The following NALF1 variants were observed in gnomAD, a reference collection of about 807,000 sequenced individuals.
NALF1 encodes NALCN channel auxiliary factor 1.
NALF1 carries 3 observed loss-of-function variants against 48.4 expected under a neutral mutation model. The observed-to-expected ratio is 0.06, with a 90% CI of 0.03 to 0.16. The LOEUF (loss-of-function observed/expected upper bound fraction) is 0.16, where lower values mean the gene tolerates loss of function less well. NALF1 is among the 10% of genes least tolerant of loss of function. The pLI, the probability that NALF1 is intolerant of heterozygous loss-of-function variation, is 1.00. For synonymous variants in NALF1, 262 were observed against 245.7 expected (o/e 1.07, Z -0.62); for missense variants, 526 against 571.5 (o/e 0.92, Z 0.81).
chr13:107,609,245 T>C lies in NALF1; in HGVS notation c.915+256437A>G, dbSNP rs1243617003. 1.9e-4 allele frequency among the ~76,000 whole-genome samples: 29 copies of C among 152,174 alleles called. 1 individual carries two copies. Among genetic ancestry groups the C allele is most frequent in the Non-Finnish European group, 1.2e-4 (8 of 68,034 alleles). On this transcript the variant is annotated intron_variant, in intron 1 of 2. Coordinates refer to ENST00000375915, the MANE Select transcript of NALF1 (RefSeq NM_001080396.3). ...ATTCTTCCTCCCCTCTCCCACACCA[T>C]TCATTCAGTTCATGAAACAAATCTT...
Position 107,500,014 on chromosome 13 carries a change from T to G in NALF1, c.916-289259A>C, listed in dbSNP as rs144968078. 2.2e-3 allele frequency among the ~76,000 whole-genome samples: 338 copies of G among 152,244 alleles called. 2 individuals are homozygous for G. Among genetic ancestry groups the G allele is most frequent in the Non-Finnish European group, 2.5e-3 (173 of 68,004 alleles). On this transcript the variant is annotated intron_variant, in intron 1 of 2. Transcript: ENST00000375915. ...AAAATTATCATCCCATCAAAACAGATCACACACAGTTTATAAGTCAACTGA... is the reference window on the plus strand; with the variant it reads ...AAAATTATCATCCCATCAAAACAGAGCACACACAGTTTATAAGTCAACTGA...
intron 1 of NALF1, among the ~76,000 whole-genome samples, chr13:107,812,479 T>A (rs1393896592): frequency 6.6e-6 from 1 of 152,116 alleles, no homozygotes; most frequent in African/African-American, 2.4e-5. Flanking sequence ...TACTTAGCAA[T>A]GTGATTTTTA....
At position 107,340,491 on chromosome 13, in the gene NALF1, GTCTT is replaced by G. The variant is rs1355424950; in HGVS notation, c.916-129740_916-129737del. Among the ~76,000 whole-genome samples the G allele has an allele frequency of 1.1e-3, 94 of 86,088 alleles. 2 individuals are homozygous for G. The highest frequency in any genetic ancestry group is 3.9e-3 in the African/African-American group (84 of 21,316). The allele number at this position is 86,088 out of a possible 152,430, so 56.5% of individuals were successfully genotyped here. ...CTTCTCTCTTTCTTTCTTTCTTTTT[GTCTT>G]TCTTTCTTTCTTTTCTTTCTTTCTC... is the stretch of plus-strand genomic sequence containing the variant. On this transcript the variant is annotated intron_variant, in intron 1 of 2. Coordinates refer to ENST00000375915, the MANE Select transcript of NALF1 (RefSeq NM_001080396.3).
chr13:107,771,616 T>C (rs1877579247), intron 1 of NALF1, among the ~76,000 whole-genome samples: 1 of 152,030 alleles, frequency 6.6e-6, no homozygotes, highest in Non-Finnish European at 1.5e-5. Context: ...GTTGCTGGGC[T>C]GCATTTCCAG....
chr13:107,773,740 G>A (rs1344625991), intron 1 of NALF1, among the ~76,000 whole-genome samples: 1 of 13,420 alleles, frequency 7.5e-5, no homozygotes, highest in South Asian at 7.6e-3. Flanking sequence ...GGGGTGGGGG[G>A]AGGGGGAGGG....
intron 1 of NALF1, among the ~76,000 whole-genome samples, chr13:107,547,380 T>C (rs536325389): frequency 6.6e-6 from 1 of 152,344 alleles, no homozygotes; most frequent in South Asian, 2.1e-4. Flanking sequence ...TAAATTTCAA[T>C]TACTTTGGAA....
intron 1 of NALF1, among the ~76,000 whole-genome samples, chr13:107,368,055 T>G (rs1883182681): frequency 6.6e-6 from 1 of 152,208 alleles, no homozygotes; most frequent in Admixed American, 6.5e-5. Flanking sequence ...TGTGGTTCTG[T>G]GTACTTATTT....
Position 107,814,329 on chromosome 13 carries a change from G to A in NALF1, c.915+51353C>T, listed in dbSNP as rs140343961. ...ACCACCAGCAAAACCAGTCGCACAC[G>A]GAGGCTGTAGACCCTTCCTTTTACT... is the stretch of plus-strand genomic sequence containing the variant. On this transcript the variant is annotated intron_variant, in intron 1 of 2. Coordinates refer to ENST00000375915, the MANE Select transcript of NALF1 (RefSeq NM_001080396.3). 4.5e-3 allele frequency among the ~76,000 whole-genome samples: 688 copies of A among 152,258 alleles called. 7 individuals are homozygous for A. The highest frequency in any genetic ancestry group is 0.016 in the African/African-American group (649 of 41,544).
chr13:107,845,027 C>G (rs796609669), intron 1 of NALF1, among the ~76,000 whole-genome samples: 3 of 152,242 alleles, frequency 2.0e-5, no homozygotes, highest in South Asian at 2.1e-4. Flanking sequence ...AAATTTACAA[C>G]AGCACATTAA....
chr13:107,750,064 C>T (rs1876891631), intron 1 of NALF1, among the ~76,000 whole-genome samples: 1 of 152,090 alleles, frequency 6.6e-6, no homozygotes, highest in South Asian at 2.1e-4. Context: ...ATGATCCACC[C>T]GCCTCAGCCT....
intron 1 of NALF1, among the ~76,000 whole-genome samples, chr13:107,429,253 T>C (rs1269138814): frequency 6.6e-6 from 1 of 150,436 alleles, no homozygotes; most frequent in Non-Finnish European, 1.5e-5. Context: ...ACCCGGGACA[T>C]GGAGGTTGCA....
At position 107,867,246 on chromosome 13, in the gene NALF1, G is replaced by A. The variant is rs555884616; in HGVS notation, c.-650C>T. Among the ~76,000 whole-genome samples, 358 of 150,410 alleles carry A rather than the reference G, an allele frequency of 2.4e-3. 1 individual carries two copies. Among genetic ancestry groups the A allele is most frequent in the African/African-American group, 7.3e-3 (301 of 41,062 alleles). ...CTGGCTCTCCCAGAGTCCGGAGCCT[G>A]GGCTGCCTCCGGCGGGGCGCTCCCT... is the stretch of plus-strand genomic sequence containing the variant. On this transcript the variant is annotated 5_prime_UTR_variant, in exon 1 of 3. Coordinates refer to ENST00000375915, the MANE Select transcript of NALF1 (RefSeq NM_001080396.3). This position sits in a 1 kb window ranked among gnomAD's most constrained non-coding sequence, Gnocchi z 4.4.
At chr13:107,173,574 G>A (rs1474776342) in intron 2 of NALF1, among the ~76,000 whole-genome samples, 2 of 152,118 alleles carry the variant, frequency 1.3e-5, no homozygotes, top group Non-Finnish European at 2.9e-5. Flanking sequence ...ATCTGGACTG[G>A]TTGCCGTCAT....
At chr13:107,674,156 TAA>T (rs74464898) in intron 1 of NALF1, among the ~76,000 whole-genome samples, 16 of 141,310 alleles carry the variant, frequency 1.1e-4, no homozygotes, top group Non-Finnish European at 7.8e-5. Context: ...ATGGAAAGGT[TAA>T]AAAAAAAAAA....
At chr13:107,817,877 G>C (rs942218993) in intron 1 of NALF1, among the ~76,000 whole-genome samples, 2 of 152,058 alleles carry the variant, frequency 1.3e-5, no homozygotes, top group African/African-American at 4.8e-5. Flanking sequence ...TAGTAGCGCA[G>C]CCCAAAGGCT....
rs983887671 is a variant in NALF1, at chr13:107,168,239, T to G, written c.*2258A>C. On this transcript the variant is annotated 3_prime_UTR_variant, in exon 3 of 3. Transcript: ENST00000375915. ...CTGTGAGCTCTTCCTCAGGAATCACTTGCAGCCTCAATTCCTCTGCTTCTC... is the reference window on the plus strand; with the variant it reads ...CTGTGAGCTCTTCCTCAGGAATCACGTGCAGCCTCAATTCCTCTGCTTCTC... 1 of 152,284 alleles carries G rather than the reference T, an allele frequency of 6.6e-6. No individual in the cohort carries two copies. The highest frequency in any genetic ancestry group is 1.9e-4 in the East Asian group (1 of 5,180). The allele number at this position is 152,284 out of a possible 1,614,324, so 9.4% of individuals were successfully genotyped here. A position where few individuals can be genotyped will look rare whatever the true frequency, so the allele number is the denominator to read the frequency against.
At chr13:107,355,372 G>C (rs1199995784) in intron 1 of NALF1, among the ~76,000 whole-genome samples, 1 of 152,168 alleles carries the variant, frequency 6.6e-6, no homozygotes, top group Non-Finnish European at 1.5e-5. Context: ...ACTCTAGTTT[G>C]AGAAATCTTG....
chr13:107,704,355 T>C (rs536362161), intron 1 of NALF1, among the ~76,000 whole-genome samples: 12 of 152,338 alleles, frequency 7.9e-5, no homozygotes, highest in African/African-American at 2.9e-4. Context: ...AATCATTAGA[T>C]CTAAGACTTC....
At chr13:107,807,822 AC>A (rs554916255) in intron 1 of NALF1, among the ~76,000 whole-genome samples, 2 of 152,134 alleles carry the variant, frequency 1.3e-5, no homozygotes, top group Admixed American at 6.6e-5. Context: ...CTAGATATAT[AC>A]CCCATGGGGA....
Sources: allele counts gnomAD v4.1 joint callset (sites outside exome capture counted in the v4.1 genomes callset), GRCh38; gene constraint gnomAD v4.1.1; non-coding constraint Gnocchi (gnomAD v3.1); transcripts MANE v1.5; gene names NCBI Gene and HGNC (gene_info 2026-07-23, HGNC 2026-07-21).